The following PHLDB1 variants were observed in gnomAD, a reference collection of about 807,000 sequenced individuals.
The protein encoded by PHLDB1 is pleckstrin homology-like domain family B member 1.
PHLDB1 carries 65 observed loss-of-function variants against 139.3 expected under a neutral mutation model. The ratio of observed to expected loss-of-function variants is 0.47; its 90% confidence interval spans 0.38 to 0.57. PHLDB1 has a LOEUF of 0.57. Ranked by LOEUF, PHLDB1 falls within the 20% of genes least tolerant of loss-of-function variation. The pLI is 0.00. For missense variants in PHLDB1, 1,624 were observed against 1,839.7 expected, an observed-to-expected ratio of 0.88 and a Z score of 2.14; for synonymous variants, 679 against 734.5, an observed-to-expected ratio of 0.92 and a Z score of 1.22.
chr11:118,640,356 A>G (rs375136628), intron 12 of PHLDB1: 1 of 152,188 alleles, frequency 6.6e-6, no homozygotes, highest in East Asian at 1.9e-4. Flanking sequence ...GAGCAGGCTT[A>G]TGATCCTGCG....
At chr11:118,636,327 A>G (rs1555115645) in intron 10 of PHLDB1, among the ~76,000 whole-genome samples, 2 of 151,662 alleles carry the variant, frequency 1.3e-5, no homozygotes, top group African/African-American at 4.9e-5. Context: ...GAGATTGGGG[A>G]GGGGTGTCTA....
chr11:118,641,773 C>T, intron 12 of PHLDB1: 1 of 1,289,262 alleles, frequency 7.8e-7, no homozygotes, highest in Non-Finnish European at 1.0e-6. Flanking sequence ...TTCCATCACG[C>T]CTTCACCTAA....
At chr11:118,646,149 G>A (rs991592032) in intron 17 of PHLDB1, among the ~76,000 whole-genome samples, 1 of 151,594 alleles carries the variant, frequency 6.6e-6, no homozygotes, top group Admixed American at 6.6e-5. Flanking sequence ...AGTCCCAGCT[G>A]CGCGGGAGGC....
rs181189443 is a variant in PHLDB1, at chr11:118,631,795, C to T, written c.2101-118C>T. 535 of 1,219,842 alleles carry T rather than the reference C, an allele frequency of 4.4e-4. 1 individual carries two copies. The highest frequency in any genetic ancestry group is 5.5e-4 in the Non-Finnish European group (480 of 873,872). 75.6% of individuals were successfully genotyped at this position (1,219,842 alleles called of 1,614,324 possible). A position where few individuals can be genotyped will look rare whatever the true frequency, so the allele number is the denominator to read the frequency against. ...GGTTGCGGGGGGGCAGGGAATTAGC[C>T]TCCTGTCTCAGTCCAGCTATTCCTC... On this transcript the variant is annotated intron_variant, in intron 7 of 22. Coordinates refer to ENST00000600882, the MANE Select transcript of PHLDB1 (RefSeq NM_001144758.3).
chr11:118,650,882 A>C lies in PHLDB1; in HGVS notation c.3874+335A>C, dbSNP rs1948249192. ...AGAGTGATAACCACGCACAATGGGT[A>C]TGCTGATAGGAGACATCCAGGCACT... On this transcript the variant is annotated intron_variant, in intron 20 of 22. Transcript: ENST00000600882. This position sits in a 1 kb window ranked among gnomAD's most constrained non-coding sequence, Gnocchi z 4.7. 1.2e-5 allele frequency: 4 copies of C among 334,162 alleles called. No individual in the cohort carries two copies. The South Asian group carries it at 1.3e-4, about 11-fold the overall frequency. 20.7% of individuals were successfully genotyped at this position (334,162 alleles called of 1,614,324 possible). A position where few individuals can be genotyped will look rare whatever the true frequency, so the allele number is the denominator to read the frequency against.
Position 118,644,146 on chromosome 11 carries a change from C to A in PHLDB1, c.3093C>A (p.Thr1031=). 6.2e-7 allele frequency: 1 copy of A among 1,613,078 alleles called. No individual in the cohort carries two copies. Among genetic ancestry groups the A allele is most frequent in the Non-Finnish European group, 8.5e-7 (1 of 1,179,786 alleles). Residue 1031 remains threonine (T), a synonymous_variant, in exon 15 of 23, where the codon ACC becomes ACA. Coordinates refer to ENST00000600882, the MANE Select transcript of PHLDB1 (RefSeq NM_001144758.3). ...NLAATLQDIE[T]KRQLALQQKG... ...CAGCCACACTGCAGGACATCGAGAC[C>A]AAGCGCCAACTAGCTCTGCAGCAGA...
In PHLDB1 at chr11:118,628,581, G is replaced by A. The variant is rs141202685; in HGVS notation, c.1758G>A (p.Glu586=). 404 of 1,613,018 alleles carry A rather than the reference G, an allele frequency of 2.5e-4. No individual in the cohort carries two copies. The highest frequency in any genetic ancestry group is 3.1e-4 in the Non-Finnish European group (363 of 1,179,984). ...GCATCACAGAGATCAGTGACAATGA[G>A]GACGACCTCCTGGAGTACCACCGGC... ...KNSITEISDN[E]DDLLEYHRRQ... is the part of the protein sequence containing the mutation. Residue 586 remains glutamate (E), a synonymous_variant, in exon 6 of 23, where the codon GAG becomes GAA. Transcript: ENST00000600882.
intron 10 of PHLDB1, chr11:118,637,741 T>C (rs555356886): frequency 6.6e-6 from 1 of 152,318 alleles, no homozygotes; most frequent in African/African-American, 2.4e-5. Flanking sequence ...AAGATGGTGG[T>C]TTAAGGCCGC....
At chr11:118,615,725 T>C (rs1274871642) in intron 3 of PHLDB1, 15 of 304,538 alleles carry the variant, frequency 4.9e-5, no homozygotes, top group Non-Finnish European at 7.9e-5. Flanking sequence ...GGAGAGGCAG[T>C]TGGGGGAATA....
intron 6 of PHLDB1, chr11:118,630,069 A>G: frequency 1.6e-6 from 2 of 1,281,440 alleles, no homozygotes; most frequent in Non-Finnish European, 2.0e-6. Context: ...GGCAAGCAAC[A>G]GGAGGGAAGC....
At chr11:118,621,075 C>A (rs1220629691) in intron 4 of PHLDB1, among the ~76,000 whole-genome samples, 1 of 110,174 alleles carries the variant, frequency 9.1e-6, no homozygotes, top group Non-Finnish European at 2.0e-5. Context: ...CCACAGGGGG[C>A]TGGGAATGAG....
intron 18 of PHLDB1, among the ~76,000 whole-genome samples, chr11:118,648,430 G>A (rs1376535082): frequency 6.6e-6 from 1 of 151,980 alleles, no homozygotes; most frequent in African/African-American, 2.4e-5. Context: ...GGAGCTGGTA[G>A]TCAAGAATCA....
At chr11:118,609,061 G>A (rs1939636299) in intron 1 of PHLDB1, among the ~76,000 whole-genome samples, 1 of 137,274 alleles carries the variant, frequency 7.3e-6, no homozygotes, top group South Asian at 2.4e-4. Context: ...GCTCACACAC[G>A]AAGCCCAGCT....
At chr11:118,643,373 TTAGTC>T in intron 13 of PHLDB1, 1 of 233,128 alleles carries the variant, frequency 4.3e-6, no homozygotes, top group Non-Finnish European at 7.0e-6. Flanking sequence ...TGGCCATTAT[TTAGTC>T]TAGTCCTACC....
At position 118,648,030 on chromosome 11, in the gene PHLDB1, A is replaced by T; in HGVS notation, c.3608A>T (p.Gln1203Leu). The T allele has an allele frequency of 6.2e-7, 1 of 1,613,372 alleles. No individual in the cohort carries two copies. Among genetic ancestry groups the T allele is most frequent in the South Asian group, 1.1e-5 (1 of 90,896 alleles). Residue 1203 changes from glutamine to leucine, a missense_variant, in exon 18 of 23, where the codon CAG becomes CTG. Coordinates refer to ENST00000600882, the MANE Select transcript of PHLDB1 (RefSeq NM_001144758.3). ...RLQSESARRQ[Q>L]LVEKEVKMRE... ...CAGAGTGAGAGTGCCCGGAGGCAGCAGCTGGTCGAGAAGGAGGTCAAGATG... is the reference window on the plus strand; with the variant it reads ...CAGAGTGAGAGTGCCCGGAGGCAGCTGCTGGTCGAGAAGGAGGTCAAGATG...
Position 118,632,201 on chromosome 11 carries a change from G to C in PHLDB1, c.2284G>C (p.Glu762Gln), listed in dbSNP as rs782220596. ...RALLQGEREA[E>Q]RALLQKEQKA... ...ACTGCTGCAGGGAGAGAGGGAGGCA[G>C]AGCGGGCACTGCTGCAGAAGGAGCA... The change falls in exon 9 of 23, where the codon GAG (glutamate) becomes CAG (glutamine). Residue 762 changes from glutamate (E) to glutamine (Q), a missense_variant. Transcript: ENST00000600882. This position sits in a 1 kb window ranked among gnomAD's most constrained non-coding sequence, Gnocchi z 5.9. 8.7e-6 allele frequency: 14 copies of C among 1,614,060 alleles called. No individual in the cohort carries two copies. The highest frequency in any genetic ancestry group is 1.2e-5 in the Non-Finnish European group (14 of 1,180,036).
At chr11:118,636,899 C>A (rs1334610317) in intron 10 of PHLDB1, 1 of 152,172 alleles carries the variant, frequency 6.6e-6, no homozygotes, top group African/African-American at 2.4e-5. Context: ...TAGTGGATTC[C>A]TCTTCCCACA....
rs1949126741 is a variant in PHLDB1 at position 118,656,769 on chromosome 11, C to T, written c.4080C>T (p.Ile1360=). The T allele has an allele frequency of 1.2e-6, 2 of 1,613,982 alleles. No homozygotes were observed. Among genetic ancestry groups the T allele is most frequent in the Non-Finnish European group, 8.5e-7 (1 of 1,179,834 alleles). Residue 1360 remains isoleucine (I), a synonymous_variant, in exon 23 of 23, where the codon ATC becomes ATT. Transcript: ENST00000600882. ...CCCCATCTGCAGAGGCCATGCGTAT[C>T]TGGATGGATGTCATTGTCACAGGGG... ...MVAPSAEAMR[I]WMDVIVTGAE... is the part of the protein sequence containing the mutation.
Position 118,628,298 on chromosome 11 carries a change from C to A in PHLDB1, c.1475C>A (p.Pro492His), listed in dbSNP as rs782028683. 9 of 1,613,936 alleles carry A rather than the reference C, an allele frequency of 5.6e-6. No homozygotes were observed. In the East Asian group the frequency reaches 2.0e-4, roughly 36 times the overall value. Residue 492 changes from proline to histidine, a missense_variant, in exon 6 of 23, where the codon CCC (proline) becomes CAC (histidine). Physicochemically the swap from Pro to His is moderately conservative, Grantham distance 77. Coordinates refer to ENST00000600882, the MANE Select transcript of PHLDB1 (RefSeq NM_001144758.3). ...LNREVAESPR[P>H]RRWAAHGASP... ...AGGGAAGTGGCAGAGAGTCCTCGGC[C>A]CCGGCGCTGGGCAGCCCATGGGGCT... is the stretch of plus-strand genomic sequence containing the variant.
Sources: allele counts gnomAD v4.1 joint callset (sites outside exome capture counted in the v4.1 genomes callset), GRCh38; gene constraint gnomAD v4.1.1; non-coding constraint Gnocchi (gnomAD v3.1); transcripts MANE v1.5; gene names NCBI Gene and HGNC (gene_info 2026-07-23, HGNC 2026-07-21).